The following PTPRT variants were observed in gnomAD, a reference collection of about 807,000 sequenced individuals.
The protein encoded by PTPRT is receptor-type tyrosine-protein phosphatase T.
In PTPRT, 56 loss-of-function variants were observed where a neutral mutation model predicts 176.8. The observed-to-expected ratio is 0.32, with a 90% CI of 0.26 to 0.40. The LOEUF is 0.40. Among genes scored for constraint, PTPRT ranks in the 10% least tolerant of loss-of-function variants. PTPRT has a pLI of 1.00. For synonymous variants in PTPRT, 783 were observed against 739.0 expected, an observed-to-expected ratio of 1.06 and a Z score of -0.96; for missense variants, 1,540 against 1,908.2, an observed-to-expected ratio of 0.81 and a Z score of 3.60.
chr20:42,857,769 A>G (rs1297793253), intron 2 of PTPRT, among the ~76,000 whole-genome samples: 3 of 152,304 alleles, frequency 2.0e-5, no homozygotes, highest in African/African-American at 4.8e-5. Context: ...ACATGCTTAG[A>G]TGAGCTCTGA....
At chr20:42,707,579 G>C (rs1369395006) in intron 6 of PTPRT, among the ~76,000 whole-genome samples, 1 of 152,158 alleles carries the variant, frequency 6.6e-6, no homozygotes, top group African/African-American at 2.4e-5. Context: ...GGAGCTGAGA[G>C]TGGCCACCGG....
chr20:43,001,879 CA>C (rs563132098), intron 1 of PTPRT, among the ~76,000 whole-genome samples: 19 of 120,330 alleles, frequency 1.6e-4, no homozygotes, highest in African/African-American at 6.0e-4. Context: ...AACAAACAAA[CA>C]AAAAAACAAA....
intron 16 of PTPRT, among the ~76,000 whole-genome samples, chr20:42,175,590 G>A (rs1164745173): frequency 6.6e-6 from 1 of 152,062 alleles, no homozygotes; most frequent in Non-Finnish European, 1.5e-5. Flanking sequence ...ATATTACTAG[G>A]GGGCTGGGTT....
intron 7 of PTPRT, among the ~76,000 whole-genome samples, chr20:42,548,505 TAAC>T (rs2072713768): frequency 6.6e-6 from 1 of 151,898 alleles, no homozygotes; most frequent in Non-Finnish European, 1.5e-5. Context: ...ATGGATCAAA[TAAC>T]AAAACATAAA....
intron 7 of PTPRT, among the ~76,000 whole-genome samples, chr20:42,627,328 G>T (rs1336223313): frequency 6.6e-6 from 1 of 151,352 alleles, no homozygotes; most frequent in Non-Finnish European, 1.5e-5. Flanking sequence ...TTTCACCTAG[G>T]CTAGAGCTTA....
In PTPRT at chr20:42,106,940, C is replaced by A; in HGVS notation, c.3255-19G>T. The A allele has an allele frequency of 6.2e-7, 1 of 1,612,948 alleles. No homozygotes were observed. Among genetic ancestry groups the A allele is most frequent in the Non-Finnish European group, 8.5e-7 (1 of 1,179,392 alleles). ...CCCAGCACTGGAAGAGAGGTATGGT[C>A]TGTGTTAAGGATCTTCATGGGGGGA... On this transcript the variant is annotated intron_variant, in intron 23 of 30. Transcript: ENST00000373187.
intron 2 of PTPRT, among the ~76,000 whole-genome samples, chr20:42,881,840 A>G (rs2079017511): frequency 6.6e-6 from 1 of 152,096 alleles, no homozygotes; most frequent in Admixed American, 6.5e-5. Context: ...AAGGAACAAT[A>G]TGTGCAAAGG....
intron 2 of PTPRT, among the ~76,000 whole-genome samples, chr20:42,801,608 T>G (rs1460589140): frequency 6.6e-6 from 1 of 152,200 alleles, no homozygotes; most frequent in African/African-American, 2.4e-5. Flanking sequence ...TCTTAGAGAT[T>G]ACAGACTTCT....
chr20:42,200,061 T>TACACACACACACAC (rs3086759), intron 15 of PTPRT, among the ~76,000 whole-genome samples: 3 of 140,464 alleles, frequency 2.1e-5, no homozygotes, highest in Non-Finnish European at 4.7e-5. Flanking sequence ...CACAAAAAAA[T>TACACACACACACAC]ACACACACAC....
chr20:42,530,968 G>A (rs1188554790), intron 7 of PTPRT, among the ~76,000 whole-genome samples: 3 of 152,184 alleles, frequency 2.0e-5, no homozygotes. Flanking sequence ...CAAAACACAG[G>A]AAATGCTTAA....
chr20:42,954,927 G>GA (rs1222141380), intron 1 of PTPRT, among the ~76,000 whole-genome samples: 1 of 151,810 alleles, frequency 6.6e-6, no homozygotes, highest in African/African-American at 2.4e-5. Flanking sequence ...GGGTAGGGAG[G>GA]AGAGGAAGAG....
At position 42,236,238 on chromosome 20, in the gene PTPRT, G is replaced by A. The variant is rs749238058; in HGVS notation, c.2333C>T (p.Ser778Phe). 2.5e-6 allele frequency: 4 copies of A among 1,603,488 alleles called. No homozygotes were observed. The highest frequency in any genetic ancestry group is 1.1e-5 in the South Asian group (1 of 90,600). Residue 778 changes from serine (S) to phenylalanine (F), a missense_variant, in exon 15 of 31, where the codon TCC becomes TTC. Physicochemically the swap from Ser to Phe is radical, Grantham distance 155 (BLOSUM62 -2). Around this residue, in one of 11 missense-constraint regions of PTPRT, gnomAD observed 255 missense variants for 250.1 expected, o/e 1.02. Transcript: ENST00000373187. ...CCAGCTCGATACTTACAAGTAATAG[G>A]AGTAGGAATAAGCATTTCTTCTATA... ...IKRRRNAYSY[S>F]YYLKLAKKQK...
chr20:42,700,248 C>A (rs1451587509), intron 6 of PTPRT, among the ~76,000 whole-genome samples: 1 of 152,126 alleles, frequency 6.6e-6, no homozygotes, highest in Non-Finnish European at 1.5e-5. Flanking sequence ...TCACCTTGCC[C>A]TTCTCGCCTG....
At chr20:43,164,341 T>C (rs971592769) in intron 1 of PTPRT, among the ~76,000 whole-genome samples, 2 of 152,214 alleles carry the variant, frequency 1.3e-5, no homozygotes, top group African/African-American at 4.8e-5. Flanking sequence ...CAAGAGAGAA[T>C]TGCTTCTTTA....
chr20:42,600,331 G>C (rs1183076240), intron 7 of PTPRT, among the ~76,000 whole-genome samples: 2 of 152,084 alleles, frequency 1.3e-5, no homozygotes, highest in Non-Finnish European at 2.9e-5. Flanking sequence ...GTAGAGACGG[G>C]GTTTCACCGC....
intron 1 of PTPRT, among the ~76,000 whole-genome samples, chr20:43,151,805 G>A (rs150399634): frequency 0.034 from 5,147 of 152,050 alleles, 132 homozygotes; most frequent in Non-Finnish European, 0.053. Flanking sequence ...AGAGGTTGCA[G>A]TGAGCCAAGA....
chr20:42,069,355 T>A (rs1174662167), downstream of PTPRT, among the ~76,000 whole-genome samples: 1 of 152,256 alleles, frequency 6.6e-6, no homozygotes, highest in Non-Finnish European at 1.5e-5. Context: ...GAATGTTTTT[T>A]AGTTATTCTG....
In PTPRT at chr20:42,649,724, T is replaced by C. The variant is rs558994432; in HGVS notation, c.1153+28142A>G. Among the ~76,000 whole-genome samples the C allele has an allele frequency of 2.6e-5, 4 of 152,310 alleles. No homozygotes were observed. In the South Asian group the frequency reaches 8.3e-4, roughly 32 times the overall value. On this transcript the variant is annotated intron_variant, in intron 7 of 30. Coordinates refer to ENST00000373187, the MANE Select transcript of PTPRT (RefSeq NM_007050.6). ...TTGATTTACTGCAAAAAGTGTTTGC[T>C]GGTTGAGAGCAGACATATCCCTCCC...
chr20:42,463,111 C>G (rs1291698758), intron 8 of PTPRT, among the ~76,000 whole-genome samples: 1 of 152,180 alleles, frequency 6.6e-6, no homozygotes, highest in Non-Finnish European at 1.5e-5. Context: ...CCACCCACCA[C>G]ATTACCATTC....
Sources: gnomAD v4.1 joint callset for allele counts (sites outside exome capture counted in the v4.1 genomes callset) on GRCh38, gnomAD v4.1.1 for gene constraint, gnomAD v4.1.1 regional missense constraint, MANE v1.5 for transcripts, NCBI Gene and HGNC (gene_info 2026-07-23, HGNC 2026-07-21) for gene names.